CHST15: variants seen among roughly 807,000 people sequenced by gnomAD.
CHST15 encodes the protein carbohydrate sulfotransferase 15.
A neutral mutation model predicts 53.6 loss-of-function variants in CHST15; 30 were observed. That is an observed-to-expected ratio of 0.56 (90% CI 0.42 to 0.76). The LOEUF (loss-of-function observed/expected upper bound fraction) is 0.76. Among genes scored for constraint, CHST15 ranks in the 30% least tolerant of loss-of-function variants. The probability of loss-of-function intolerance (pLI) is 0.00; values close to 1 mark genes in which losing one functional copy is unlikely to be tolerated. For synonymous variants in CHST15, 296 were observed against 289.8 expected (o/e 1.02, Z -0.22); for missense variants, 627 against 740.5 (o/e 0.85, Z 1.78).
chr10:124,010,826 C>T, intron 7 of CHST15: 5 of 985,454 alleles, frequency 5.1e-6, no homozygotes, highest in South Asian at 4.7e-5. Flanking sequence ...CCCTGTGCGT[C>T]TTGCTGTGAA....
chr10:124,083,837 AT>A (rs1336593221), intron 1 of CHST15, among the ~76,000 whole-genome samples: 1 of 152,104 alleles, frequency 6.6e-6, no homozygotes, highest in African/African-American at 2.4e-5. Context: ...TCTGGAACAT[AT>A]TTTCTTTATT....
At chr10:124,053,238 T>C (rs1197385249) in intron 1 of CHST15, among the ~76,000 whole-genome samples, 1 of 152,224 alleles carries the variant, frequency 6.6e-6, no homozygotes, top group Non-Finnish European at 1.5e-5. Flanking sequence ...GACGTATTTC[T>C]CCACCCTTCG....
At chr10:124,083,083 T>C (rs761402694) in intron 1 of CHST15, among the ~76,000 whole-genome samples, 2 of 152,262 alleles carry the variant, frequency 1.3e-5, no homozygotes, top group Non-Finnish European at 2.9e-5. Flanking sequence ...TTTTATGGTG[T>C]GTGCATTACA....
intron 6 of CHST15, among the ~76,000 whole-genome samples, chr10:124,013,143 G>A (rs36103561): frequency 0.064 from 9,790 of 152,210 alleles, 403 homozygotes; most frequent in Non-Finnish European, 0.095. Context: ...CCTTTCCCTC[G>A]GCTCCTGGGG....
At chr10:124,035,736 C>T (rs182760391) in intron 5 of CHST15, among the ~76,000 whole-genome samples, 4 of 152,328 alleles carry the variant, frequency 2.6e-5, no homozygotes, top group African/African-American at 9.6e-5. Context: ...TCTTAACCCA[C>T]CTTCCTGCCT....
At position 124,070,274 on chromosome 10, in the gene CHST15, C is replaced by T. The variant is rs1224768347; in HGVS notation, c.-513+23195G>A. Among the ~76,000 whole-genome samples, 8 of 152,324 alleles carry T rather than the reference C, an allele frequency of 5.3e-5. 2 individuals carry two copies. Among genetic ancestry groups the T allele is most frequent in the Admixed American group, 5.2e-4 (8 of 15,310 alleles). ...CTCTCCCAAGGGAAATGCATATGCC[C>T]ACCTACGGGGATGTCACTTCAGGAA... On this transcript the variant is annotated intron_variant, in intron 1 of 7. Transcript: ENST00000435907.
In CHST15 at chr10:124,019,640, A is replaced by G. The variant is rs867541517; in HGVS notation, c.1347+1616T>C. 1.8e-4 allele frequency: 77 copies of G among 430,720 alleles called. No homozygotes were observed. Among genetic ancestry groups the G allele is most frequent in the Middle Eastern group, 2.3e-3 (2 of 860 alleles). The allele number at this position is 430,720 out of a possible 1,614,324, so 26.7% of individuals were successfully genotyped here. A position where few individuals can be genotyped will look rare whatever the true frequency, so the allele number is the denominator to read the frequency against. On this transcript the variant is annotated intron_variant, in intron 6 of 7. Coordinates refer to ENST00000435907, the MANE Select transcript of CHST15 (RefSeq NM_001270764.2). This position sits in a 1 kb window ranked among gnomAD's most constrained non-coding sequence, Gnocchi z 4.6. ...TCCCGGGTTACATGAAATTTACGTT[A>G]AACAAGTATGTGTGCTTTCTCGCGT... is the stretch of plus-strand genomic sequence containing the variant.
chr10:124,045,803 T>G lies in CHST15; in HGVS notation c.410A>C (p.Gln137Pro). Residue 137 changes from glutamine (Q) to proline (P), a missense_variant, in exon 2 of 8, where the codon CAA becomes CCA. Around this residue, in one of 3 missense-constraint regions of CHST15, gnomAD observed 187 missense variants for 251.8 expected, o/e 0.74. Coordinates refer to ENST00000435907, the MANE Select transcript of CHST15 (RefSeq NM_001270764.2). The stretch of plus-strand genomic sequence containing the variant: ...GTATGAAATATTATTTACAGAGGAT[T>G]GGTGGTGATGCTCCTTTGTGTCACT... ...NPSDTKEHHH[Q>P]SSVNNISYMK... The G allele has an allele frequency of 6.2e-7, 1 of 1,614,152 alleles. No individual in the cohort carries two copies. The highest frequency in any genetic ancestry group is 8.5e-7 in the Non-Finnish European group (1 of 1,180,042).
At chr10:124,058,001 G>T (rs1948438701) in intron 1 of CHST15, among the ~76,000 whole-genome samples, 1 of 152,158 alleles carries the variant, frequency 6.6e-6, no homozygotes, top group African/African-American at 2.4e-5. Context: ...GTGCACAAAA[G>T]ACTCTAAAGG....
In CHST15 at chr10:124,046,200, T is replaced by C. The variant is rs1948000379; in HGVS notation, c.13A>G (p.Ile5Val). ...GGTAACAGCTGTATGCAGCAATTAA[T>C]GCAGTGCCTCATGGTAGTGCCAGTG... MRHC[I>V]NCCIQLLPDG... Residue 5 changes from isoleucine to valine, a missense_variant, in exon 2 of 8, where the codon ATT becomes GTT. Transcript: ENST00000435907. The C allele has an allele frequency of 4.4e-6, 7 of 1,604,020 alleles. No individual in the cohort carries two copies. The highest frequency in any genetic ancestry group is 6.0e-6 in the Non-Finnish European group (7 of 1,174,476).
chr10:124,009,922 T>G lies in CHST15; in HGVS notation c.*227A>C. On this transcript the variant is annotated 3_prime_UTR_variant, in exon 8 of 8. Transcript: ENST00000435907. ...GAGCAGAGCTGAATTCTTGAGAAAC[T>G]GGGGTCTCCAATGGCCTCGGATAGA... 7.3e-7 allele frequency: 1 copy of G among 1,370,606 alleles called. No homozygotes were observed. Among genetic ancestry groups the G allele is most frequent in the Non-Finnish European group, 9.4e-7 (1 of 1,061,922 alleles). The allele number at this position is 1,370,606 out of a possible 1,614,324, so 84.9% of individuals were successfully genotyped here. A position where few individuals can be genotyped will look rare whatever the true frequency, so the allele number is the denominator to read the frequency against.
chr10:124,010,132 C>G lies in CHST15; in HGVS notation c.*17G>C. 1.9e-6 allele frequency: 3 copies of G among 1,611,928 alleles called. No homozygotes were observed. Among genetic ancestry groups the G allele is most frequent in the Non-Finnish European group, 2.5e-6 (3 of 1,179,930 alleles). ...ACGGCATTGGCGGGCCCAGCACGTGCAGCAACAATTCAGCTCTCACGTCGT... is the reference window on the plus strand; with the variant it reads ...ACGGCATTGGCGGGCCCAGCACGTGGAGCAACAATTCAGCTCTCACGTCGT... On this transcript the variant is annotated 3_prime_UTR_variant, in exon 8 of 8. Coordinates refer to ENST00000435907, the MANE Select transcript of CHST15 (RefSeq NM_001270764.2).
intron 1 of CHST15, among the ~76,000 whole-genome samples, chr10:124,088,570 T>G (rs1949509681): frequency 6.6e-6 from 1 of 152,174 alleles, no homozygotes; most frequent in Admixed American, 6.5e-5. Context: ...CCTCACCCCC[T>G]TATTTCCCTC....
At chr10:124,011,658 C>T (rs1794220112) in intron 7 of CHST15, 3 of 985,360 alleles carry the variant, frequency 3.0e-6, no homozygotes, top group Non-Finnish European at 3.6e-6. Flanking sequence ...TGCCAGCCAT[C>T]ACCATAGTCA....
chr10:124,039,952 C>A lies in CHST15; in HGVS notation c.1034-1281G>T, dbSNP rs573581961. ...GACAAGTGTATCATATCCCTGCAGG[C>A]CCCTATCATTTCTGTCGGATGCGTA... On this transcript the variant is annotated intron_variant, in intron 4 of 7. Transcript: ENST00000435907. Among the ~76,000 whole-genome samples, 3 of 152,276 alleles carry A rather than the reference C, an allele frequency of 2.0e-5. No homozygotes were observed. In the South Asian group the frequency reaches 6.2e-4, roughly 32 times the overall value.
chr10:124,058,700 A>C (rs1009665861), intron 1 of CHST15, among the ~76,000 whole-genome samples: 5 of 152,246 alleles, frequency 3.3e-5, no homozygotes, highest in African/African-American at 1.2e-4. Flanking sequence ...CAGGGTCAGT[A>C]GTGCTCAATC....
At position 124,008,342 on chromosome 10, in the gene CHST15, C is replaced by T. The variant is rs986538090; in HGVS notation, c.*1807G>A. On this transcript the variant is annotated 3_prime_UTR_variant, in exon 8 of 8. Coordinates refer to ENST00000435907, the MANE Select transcript of CHST15 (RefSeq NM_001270764.2). ...GAAGACGCACTCACCCACACGTGCG[C>T]GTACACACACACACACGCGCGCACT... The T allele has an allele frequency of 1.7e-5, 18 of 1,068,942 alleles. No homozygotes were observed. The highest frequency in any genetic ancestry group is 4.2e-4 in the Middle Eastern group (1 of 2,384). 66.2% of individuals were successfully genotyped at this position (1,068,942 alleles called of 1,614,324 possible).
chr10:124,026,726 G>A (rs904914463), intron 5 of CHST15, among the ~76,000 whole-genome samples: 1 of 152,172 alleles, frequency 6.6e-6, no homozygotes. Context: ...CGGCCTCAGC[G>A]GATGCTTGCT....
rs150892804 is a variant in CHST15, at chr10:124,061,982, A to T, written c.-512-15258T>A. ...CTCAAGTTATCTTTGAATTAATAAC[A>T]TCTTTCCTCCAGACATACTATAAAT... On this transcript the variant is annotated intron_variant, in intron 1 of 7. Transcript: ENST00000435907. Among the ~76,000 whole-genome samples, 145 of 151,502 alleles carry T rather than the reference A, an allele frequency of 9.6e-4. 1 individual carries two copies. The Middle Eastern group carries it at 0.014, about 14-fold the overall frequency.
Sources: gnomAD v4.1 joint callset for allele counts (sites outside exome capture counted in the v4.1 genomes callset) on GRCh38, gnomAD v4.1.1 for gene constraint, gnomAD v4.1.1 regional missense constraint, Gnocchi (gnomAD v3.1) non-coding constraint, MANE v1.5 for transcripts, NCBI Gene and HGNC (gene_info 2026-07-23, HGNC 2026-07-21) for gene names.